SOX5: variants seen among roughly 807,000 people sequenced by gnomAD.
SOX5 encodes the protein SRY-box transcription factor 5.
Under a neutral mutation model 92.0 loss-of-function variants are expected in SOX5, and 9 were observed. The observed-to-expected ratio is 0.10, with a 90% CI of 0.06 to 0.17. SOX5 has a LOEUF of 0.17. Among genes scored for constraint, SOX5 ranks in the 10% least tolerant of loss-of-function variants. The probability of loss-of-function intolerance (pLI) is 1.00; values close to 1 mark genes in which losing one functional copy is unlikely to be tolerated. For missense variants in SOX5, 642 were observed against 944.5 expected, an observed-to-expected ratio of 0.68 and a Z score of 4.20; for synonymous variants, 344 against 336.3, an observed-to-expected ratio of 1.02 and a Z score of -0.25.
At chr12:24,191,249 G>C (rs1956494728) in intron 4 of SOX5, among the ~76,000 whole-genome samples, 1 of 152,228 alleles carries the variant, frequency 6.6e-6, no homozygotes, top group Non-Finnish European at 1.5e-5. Context: ...CATAGTTCTA[G>C]CAGCCAGGAT....
chr12:24,536,677 G>A lies in SOX5; in HGVS notation c.-251+25652C>T, dbSNP rs188637633. 4.1e-3 allele frequency among the ~76,000 whole-genome samples: 627 copies of A among 152,202 alleles called. 7 individuals are homozygous for A. The highest frequency in any genetic ancestry group is 0.014 in the African/African-American group (592 of 41,522). ...CAGAGCTCACCCTAAAAGTACTCCT[G>A]CATTACAATCCTAGCACCAGTTCTT... is the stretch of plus-strand genomic sequence containing the variant. On this transcript the variant is annotated intron_variant, in intron 1 of 4. Coordinates refer to the SOX5 transcript ENST00000446891.
intron 1 of SOX5, among the ~76,000 whole-genome samples, chr12:23,929,804 A>G (rs1940990127): frequency 6.6e-6 from 1 of 151,968 alleles, no homozygotes; most frequent in Non-Finnish European, 1.5e-5. Flanking sequence ...CTTATATTGA[A>G]CCAACAGAAA....
At chr12:23,927,973 T>C (rs887618290) in intron 1 of SOX5, among the ~76,000 whole-genome samples, 4 of 152,024 alleles carry the variant, frequency 2.6e-5, no homozygotes, top group Non-Finnish European at 5.9e-5. Flanking sequence ...TAGATGGCTA[T>C]GAAATGCACT....
chr12:23,565,750 A>T (rs1946961443), intron 10 of SOX5, among the ~76,000 whole-genome samples: 2 of 152,236 alleles, frequency 1.3e-5, no homozygotes, highest in Non-Finnish European at 2.9e-5. Context: ...AGTTTTAGTT[A>T]TAATGCTGTA....
At chr12:23,965,100 A>G (rs10743484) in intron 4 of SOX5, among the ~76,000 whole-genome samples, 97,031 of 152,040 alleles carry the variant, frequency 0.64, 31,203 homozygotes, top group East Asian at 0.82. Context: ...TGTGCCTGTC[A>G]GCCTTGACAT....
At chr12:23,644,180 A>G (rs1204572507) in intron 7 of SOX5, among the ~76,000 whole-genome samples, 3 of 152,158 alleles carry the variant, frequency 2.0e-5, no homozygotes. Context: ...CTAGGTTGTG[A>G]GCTGCTCTGT....
chr12:24,143,251 G>A (rs1285208755), intron 4 of SOX5, among the ~76,000 whole-genome samples: 1 of 152,068 alleles, frequency 6.6e-6, no homozygotes, highest in Non-Finnish European at 1.5e-5. Context: ...ATTTATAGGA[G>A]TACAAAAATA....
At chr12:23,738,021 A>C (rs1034844480) in intron 5 of SOX5, among the ~76,000 whole-genome samples, 1 of 152,132 alleles carries the variant, frequency 6.6e-6, no homozygotes, top group African/African-American at 2.4e-5. Context: ...TATCCTTCCC[A>C]ACTAGATTTC....
intron 3 of SOX5, among the ~76,000 whole-genome samples, chr12:24,245,912 G>A (rs1489022967): frequency 6.6e-6 from 1 of 152,162 alleles, no homozygotes; most frequent in Non-Finnish European, 1.5e-5. Context: ...AACCATTTTA[G>A]GAATTTGTGT....
intron 6 of SOX5, among the ~76,000 whole-genome samples, chr12:23,726,312 A>G (rs1050678148): frequency 7.9e-5 from 12 of 152,154 alleles, no homozygotes; most frequent in African/African-American, 2.7e-4. Flanking sequence ...GTCTTGAATC[A>G]TGACGTAACT....
chr12:23,907,753 A>T (rs1183762468), intron 1 of SOX5, among the ~76,000 whole-genome samples: 1 of 152,160 alleles, frequency 6.6e-6, no homozygotes, highest in Non-Finnish European at 1.5e-5. Context: ...AAGCAAAAAA[A>T]AAAAAATGTT....
chr12:23,951,132 T>C, upstream of SOX5: 1 of 454,536 alleles, frequency 2.2e-6, no homozygotes, highest in Non-Finnish European at 4.0e-6. Flanking sequence ...GGCAGGTCAG[T>C]TGATTAGATT....
chr12:23,611,058 T>C (rs2137739129), intron 8 of SOX5, among the ~76,000 whole-genome samples: 1 of 152,284 alleles, frequency 6.6e-6, no homozygotes, highest in East Asian at 1.9e-4. Context: ...CGGTTGCTGG[T>C]AGGTATAAGC....
At chr12:23,964,543 G>A (rs926104468) in intron 4 of SOX5, among the ~76,000 whole-genome samples, 4 of 152,162 alleles carry the variant, frequency 2.6e-5, no homozygotes, top group African/African-American at 9.7e-5. Flanking sequence ...ACTTTGTAAG[G>A]GAGTTAATAT....
intron 9 of SOX5, among the ~76,000 whole-genome samples, chr12:23,602,877 T>C (rs779806507): frequency 6.6e-6 from 1 of 152,062 alleles, no homozygotes; most frequent in Non-Finnish European, 1.5e-5. Flanking sequence ...AAAACTTACA[T>C]GCTGTTGTGA....
At chr12:24,415,263 A>T (rs1474319752) in intron 1 of SOX5, among the ~76,000 whole-genome samples, 1 of 152,220 alleles carries the variant, frequency 6.6e-6, no homozygotes, top group African/African-American at 2.4e-5. Flanking sequence ...TAAACTGTAA[A>T]TAGGAAGAAA....
chr12:23,962,763 C>T (rs560297380), intron 4 of SOX5, among the ~76,000 whole-genome samples: 10 of 152,118 alleles, frequency 6.6e-5, no homozygotes, highest in African/African-American at 1.7e-4. Flanking sequence ...CTAGTATGAA[C>T]GATTTGAGTC....
intron 1 of SOX5, among the ~76,000 whole-genome samples, chr12:24,541,352 T>C (rs1952109154): frequency 6.6e-6 from 1 of 152,238 alleles, no homozygotes; most frequent in Non-Finnish European, 1.5e-5. Flanking sequence ...TATTTTACAA[T>C]AGAAAATAAA....
intron 2 of SOX5, among the ~76,000 whole-genome samples, chr12:24,323,507 T>A (rs1169409350): frequency 3.3e-5 from 5 of 152,048 alleles, no homozygotes; most frequent in African/African-American, 9.7e-5. Flanking sequence ...AGCTTTTTTA[T>A]AATGTATTAA....
Sources: allele counts gnomAD v4.1 joint callset (sites outside exome capture counted in the v4.1 genomes callset), GRCh38; gene constraint gnomAD v4.1.1; transcripts MANE v1.5; gene names NCBI Gene and HGNC (gene_info 2026-07-23, HGNC 2026-07-21).